The following HCK variants were observed in gnomAD, a reference collection of about 807,000 sequenced individuals.
HCK encodes the protein HCK proto-oncogene, Src family tyrosine kinase, also known as tyrosine-protein kinase HCK.
HCK carries 40 observed loss-of-function variants against 70.4 expected under a neutral mutation model. That is an observed-to-expected ratio of 0.57 (90% CI 0.44 to 0.74). The LOEUF is 0.74. Ranked by LOEUF, HCK falls within the 30% of genes least tolerant of loss-of-function variation. The pLI, the probability that HCK is intolerant of heterozygous loss-of-function variation, is 0.00. For missense variants in HCK, 568 were observed against 697.2 expected, an observed-to-expected ratio of 0.81 and a Z score of 2.09; for synonymous variants, 245 against 263.2, an observed-to-expected ratio of 0.93 and a Z score of 0.67.
At position 32,079,768 on chromosome 20, in the gene HCK, C is replaced by T; in HGVS notation, c.429-6C>T. ...GTTCACATTTGTCCCCTCCCTTTTC[C>T]ATCAGGTGGTTTTTCAAGGGCATCA... On this transcript the variant is annotated splice_polypyrimidine_tract_variant and splice_region_variant and intron_variant, in intron 5 of 12. Transcript: ENST00000375852. 1.9e-6 allele frequency: 3 copies of T among 1,608,486 alleles called. No individual in the cohort carries two copies. The highest frequency in any genetic ancestry group is 2.6e-6 in the Non-Finnish European group (3 of 1,175,076).
intron 10 of HCK, among the ~76,000 whole-genome samples, chr20:32,090,932 T>A (rs745803245): frequency 2.6e-5 from 4 of 152,204 alleles, no homozygotes; most frequent in Admixed American, 1.3e-4. Context: ...GAGCCACTCT[T>A]TAAATAAATA....
chr20:32,088,540 A>C, intron 9 of HCK, 28 bp from the exon 10 acceptor site: 1 of 1,577,716 alleles, frequency 6.3e-7, no homozygotes, highest in Non-Finnish European at 8.7e-7. Context: ...TAAAAGTAGT[A>C]AATGTTCCTC....
At chr20:32,054,066 C>T (rs2045225933) in intron 1 of HCK, 2 of 366,556 alleles carry the variant, frequency 5.5e-6, no homozygotes, top group Non-Finnish European at 1.1e-5. Flanking sequence ...TATTAGATGT[C>T]CCGAGAATCC....
chr20:32,064,128 C>T (rs542999281), intron 1 of HCK, among the ~76,000 whole-genome samples: 1 of 150,180 alleles, frequency 6.7e-6, no homozygotes, highest in Non-Finnish European at 1.5e-5. Context: ...CTCAGCCTCC[C>T]AAGTAGCTGG....
intron 1 of HCK, 64 bp downstream of exon 1, chr20:32,052,550 A>G (rs929886041): frequency 8.6e-7 from 1 of 1,160,876 alleles, no homozygotes; most frequent in South Asian, 3.5e-5. Flanking sequence ...AGGCGGAGGG[A>G]GCCCAGGAGC....
chr20:32,085,357 T>C (rs1156696499), intron 8 of HCK, among the ~76,000 whole-genome samples: 1 of 151,434 alleles, frequency 6.6e-6, no homozygotes, highest in Non-Finnish European at 1.5e-5. Flanking sequence ...TACGAAAAAA[T>C]ACAACAATTA....
intron 6 of HCK, among the ~76,000 whole-genome samples, chr20:32,083,143 GT>G (rs1463849256): frequency 6.6e-6 from 1 of 152,022 alleles, no homozygotes; most frequent in East Asian, 1.9e-4. Context: ...CCAAGCTCTT[GT>G]TTCCATCTTC....
intron 10 of HCK, among the ~76,000 whole-genome samples, chr20:32,089,762 T>C (rs2045839401): frequency 6.6e-6 from 1 of 152,232 alleles, no homozygotes; most frequent in African/African-American, 2.4e-5. Flanking sequence ...AGTGCATAGC[T>C]AGAGCATTTA....
At chr20:32,072,850 C>T (rs1326184761) in intron 2 of HCK, among the ~76,000 whole-genome samples, 1 of 152,022 alleles carries the variant, frequency 6.6e-6, no homozygotes, top group Non-Finnish European at 1.5e-5. Flanking sequence ...CCTGGCTGGG[C>T]ACAGTGGCTC....
intron 12 of HCK, among the ~76,000 whole-genome samples, chr20:32,099,666 A>C (rs779515819): frequency 6.6e-6 from 1 of 151,866 alleles, no homozygotes; most frequent in African/African-American, 2.4e-5. Context: ...CCTCACCCCT[A>C]TGACATCTGA....
intron 1 of HCK, among the ~76,000 whole-genome samples, chr20:32,065,530 G>T (rs938566218): frequency 3.9e-5 from 6 of 152,122 alleles, no homozygotes; most frequent in African/African-American, 1.2e-4. Context: ...CTCTCTGGTG[G>T]CTTCACTCTA....
Position 32,095,857 on chromosome 20 carries a change from ATATTTATTTATTTATTTATT to A in HCK, c.1246+1871_1246+1890del, listed in dbSNP as rs142126874. Among the ~76,000 whole-genome samples, 239 of 147,212 alleles carry A rather than the reference ATATTTATTTATTTATTTATT, an allele frequency of 1.6e-3. 2 individuals carry two copies. The highest frequency in any genetic ancestry group is 5.3e-3 in the African/African-American group (211 of 40,096). On this transcript the variant is annotated intron_variant, in intron 11 of 12. Coordinates refer to ENST00000375852, the MANE Select transcript of HCK (RefSeq NM_002110.5). ...GTCACCTTTAGTTTCTGTTAGCCTAATATTTATTTATTTATTTATTTATTTATTTATTTATTTATTTATTT... is the reference window on the plus strand; with the variant it reads ...GTCACCTTTAGTTTCTGTTAGCCTAATATTTATTTATTTATTTATTTATTT...
At chr20:32,069,170 C>T (rs1344244042) in intron 1 of HCK, among the ~76,000 whole-genome samples, 1 of 152,188 alleles carries the variant, frequency 6.6e-6, no homozygotes, top group African/African-American at 2.4e-5. Context: ...CTTTTACACT[C>T]ATCAACTTGC....
chr20:32,060,090 C>T (rs1282309624), intron 1 of HCK, among the ~76,000 whole-genome samples: 1 of 152,096 alleles, frequency 6.6e-6, no homozygotes, highest in Non-Finnish European at 1.5e-5. Context: ...GCCACCATGT[C>T]CTGTCTGGAG....
intron 2 of HCK, chr20:32,072,606 C>A (rs1471490544): frequency 6.7e-6 from 1 of 148,302 alleles, no homozygotes; most frequent in Non-Finnish European, 1.5e-5. Flanking sequence ...GCTTAGAATG[C>A]CATAGTTTAG....
At chr20:32,077,839 A>G (rs2045649497) in intron 5 of HCK, among the ~76,000 whole-genome samples, 2 of 151,448 alleles carry the variant, frequency 1.3e-5, no homozygotes, top group Non-Finnish European at 2.9e-5. Flanking sequence ...CTTCCTTTTT[A>G]TACCACAGGG....
chr20:32,082,791 T>G (rs910272183), intron 6 of HCK, among the ~76,000 whole-genome samples: 3 of 152,106 alleles, frequency 2.0e-5, no homozygotes, highest in Non-Finnish European at 4.4e-5. Flanking sequence ...CTGAAAGACT[T>G]ATGTGTTTCT....
At chr20:32,084,311 C>G in intron 7 of HCK, 80 bp from the exon 8 acceptor site, 1 of 1,437,048 alleles carries the variant, frequency 7.0e-7, no homozygotes, top group South Asian at 1.3e-5. Flanking sequence ...TCCAGTGGAC[C>G]AGGTAGGGCG....
chr20:32,095,587 T>C (rs2045943791), intron 11 of HCK, among the ~76,000 whole-genome samples: 1 of 151,926 alleles, frequency 6.6e-6, no homozygotes, highest in African/African-American at 2.4e-5. Flanking sequence ...AGACAGAAAG[T>C]AGATTATTGG....
Sources: gnomAD v4.1 joint callset for allele counts (sites outside exome capture counted in the v4.1 genomes callset) on GRCh38, gnomAD v4.1.1 for gene constraint, MANE v1.5 for transcripts, NCBI Gene and HGNC (gene_info 2026-07-23, HGNC 2026-07-21) for gene names.